The following CAMK1D variants were observed in gnomAD, a reference collection of about 807,000 sequenced individuals.
CAMK1D encodes the protein calcium/calmodulin dependent protein kinase ID, also known as calcium/calmodulin-dependent protein kinase type 1D.
In CAMK1D, 9 loss-of-function variants were observed where a neutral mutation model predicts 47.7. That is an observed-to-expected ratio of 0.19 (90% confidence interval 0.11 to 0.33). The LOEUF is 0.33. Ranked by LOEUF, CAMK1D falls within the 10% of genes least tolerant of loss-of-function variation. The probability of loss-of-function intolerance (pLI) is 1.00; values close to 1 mark genes in which losing one functional copy is unlikely to be tolerated. For synonymous variants in CAMK1D, 184 were observed against 184.9 expected (o/e 0.99, Z 0.04); for missense variants, 291 against 488.7 (o/e 0.60, Z 3.81).
At chr10:12,780,798 A>G (rs1837458892) in intron 5 of CAMK1D, among the ~76,000 whole-genome samples, 1 of 152,226 alleles carries the variant, frequency 6.6e-6, no homozygotes, top group Non-Finnish European at 1.5e-5. Context: ...ATTGTCATAC[A>G]GGGCACAGAT....
rs1323512500 is a variant in CAMK1D at position 12,830,065 on chromosome 10, A to T, written c.*1178A>T. 2.6e-5 allele frequency: 4 copies of T among 151,942 alleles called. No individual in the cohort carries two copies. Among genetic ancestry groups the T allele is most frequent in the African/African-American group, 7.3e-5 (3 of 41,354 alleles). 9.4% of individuals were successfully genotyped at this position (151,942 alleles called of 1,614,324 possible). A position where few individuals can be genotyped will look rare whatever the true frequency, so the allele number is the denominator to read the frequency against. ...GATGCCCACACTGCAGAGATGCAGG[A>T]CCCTCCCTTGCAAAAGGAACCAGCT... is the stretch of plus-strand genomic sequence containing the variant. On this transcript the variant is annotated 3_prime_UTR_variant, in exon 11 of 11. Transcript: ENST00000619168.
chr10:12,548,547 C>G (rs1342686522), intron 1 of CAMK1D, among the ~76,000 whole-genome samples: 2 of 149,296 alleles, frequency 1.3e-5, no homozygotes, highest in Non-Finnish European at 3.0e-5. Context: ...TCACTGCAGC[C>G]TTGACCTCCC....
chr10:12,583,293 A>T (rs1314624622), intron 2 of CAMK1D, among the ~76,000 whole-genome samples: 1 of 152,116 alleles, frequency 6.6e-6, no homozygotes, highest in Non-Finnish European at 1.5e-5. Context: ...CAATGATATG[A>T]GTTTGGTTTT....
At chr10:12,740,181 C>T (rs887454872) in intron 3 of CAMK1D, among the ~76,000 whole-genome samples, 4 of 152,178 alleles carry the variant, frequency 2.6e-5, no homozygotes, top group Non-Finnish European at 4.4e-5. Flanking sequence ...CCCTGACACC[C>T]CTGGTGTAGC....
intron 3 of CAMK1D, among the ~76,000 whole-genome samples, chr10:12,733,934 T>C (rs1835012404): frequency 6.6e-6 from 1 of 152,154 alleles, no homozygotes; most frequent in African/African-American, 2.4e-5. Context: ...TCAAGTGAGA[T>C]GATCACATCA....
intron 8 of CAMK1D, among the ~76,000 whole-genome samples, chr10:12,816,627 T>G (rs1220297977): frequency 1.3e-5 from 2 of 151,714 alleles, no homozygotes; most frequent in African/African-American, 4.8e-5. Flanking sequence ...TCCCAGCACT[T>G]TGGGAGGCTG....
At chr10:12,499,024 C>A (rs1438924722) in intron 1 of CAMK1D, among the ~76,000 whole-genome samples, 1 of 151,454 alleles carries the variant, frequency 6.6e-6, no homozygotes, top group Admixed American at 6.6e-5. Context: ...AATGCCTTCC[C>A]CTGGGTCATA....
chr10:12,406,430 G>A (rs543693988), intron 1 of CAMK1D, among the ~76,000 whole-genome samples: 1 of 152,122 alleles, frequency 6.6e-6, no homozygotes, highest in African/African-American at 2.4e-5. Context: ...TAAGCTGTTG[G>A]CCAGATGTGG....
rs1029227136 is a variant in CAMK1D, at chr10:12,363,225, A to G, written c.92+13315A>G. The stretch of plus-strand genomic sequence containing the variant: ...CAAAGTGCTGGGATTACAGGCGTGA[A>G]CCACCGCACCCGGCCTGTTTTTTTT... On this transcript the variant is annotated intron_variant, in intron 1 of 10. Transcript: ENST00000619168. Among the ~76,000 whole-genome samples, 11 of 148,958 alleles carry G rather than the reference A, an allele frequency of 7.4e-5. No homozygotes were observed. The South Asian group carries it at 2.1e-3, about 29-fold the overall frequency.
At chr10:12,736,416 A>C (rs1437289304) in intron 3 of CAMK1D, among the ~76,000 whole-genome samples, 1 of 152,212 alleles carries the variant, frequency 6.6e-6, no homozygotes, top group Non-Finnish European at 1.5e-5. Context: ...GGATAATTCT[A>C]TTCGGCGAGT....
At chr10:12,598,217 AG>A (rs1281344233) in intron 2 of CAMK1D, among the ~76,000 whole-genome samples, 1 of 152,232 alleles carries the variant, frequency 6.6e-6, no homozygotes, top group Admixed American at 6.5e-5. Flanking sequence ...AAAATACTTA[AG>A]GATGTTCAAT....
intron 3 of CAMK1D, among the ~76,000 whole-genome samples, chr10:12,673,970 G>T (rs1840712467): frequency 6.6e-6 from 1 of 151,796 alleles, no homozygotes; most frequent in African/African-American, 2.4e-5. Context: ...TCAGTAGTTG[G>T]GCTCTCTCTC....
chr10:12,820,133 G>A (rs552725446), intron 8 of CAMK1D, among the ~76,000 whole-genome samples: 273 of 152,266 alleles, frequency 1.8e-3, no homozygotes, highest in Middle Eastern at 3.4e-3. Context: ...TCCGCTTCCC[G>A]GGTTCAAACG....
At chr10:12,512,583 A>G (rs760207152) in intron 1 of CAMK1D, among the ~76,000 whole-genome samples, 1 of 152,134 alleles carries the variant, frequency 6.6e-6, no homozygotes, top group African/African-American at 2.4e-5. Flanking sequence ...CTTTATTTTC[A>G]TAGATAAGGC....
chr10:12,661,463 C>G (rs1169244051), intron 2 of CAMK1D, among the ~76,000 whole-genome samples: 1 of 152,144 alleles, frequency 6.6e-6, no homozygotes, highest in Admixed American at 6.5e-5. Flanking sequence ...TTATTTTCTC[C>G]TCTTTTAAAA....
At chr10:12,388,230 T>C (rs1032852257) in intron 1 of CAMK1D, among the ~76,000 whole-genome samples, 12 of 152,210 alleles carry the variant, frequency 7.9e-5, no homozygotes, top group Non-Finnish European at 1.5e-4. Context: ...TTTTGTCATG[T>C]TGGCCAGGCT....
chr10:12,805,482 T>C (rs556129298), intron 6 of CAMK1D, among the ~76,000 whole-genome samples: 28 of 151,194 alleles, frequency 1.9e-4, no homozygotes, highest in Non-Finnish European at 2.9e-4. Context: ...GTGATTCTCC[T>C]TCCTCAGCCT....
intron 1 of CAMK1D, among the ~76,000 whole-genome samples, chr10:12,392,327 C>G (rs1186146685): frequency 2.6e-5 from 4 of 151,766 alleles, no homozygotes; most frequent in Non-Finnish European, 5.9e-5. Flanking sequence ...AATCAAAAAT[C>G]AAAAACAAAA....
chr10:12,353,659 C>T (rs1837414761), intron 1 of CAMK1D, among the ~76,000 whole-genome samples: 1 of 152,128 alleles, frequency 6.6e-6, no homozygotes, highest in Non-Finnish European at 1.5e-5. Context: ...ACCTCTGAGT[C>T]AGGTCTCAGG....
Sources: allele counts gnomAD v4.1 joint callset (sites outside exome capture counted in the v4.1 genomes callset), GRCh38; gene constraint gnomAD v4.1.1; transcripts MANE v1.5; gene names NCBI Gene and HGNC (gene_info 2026-07-23, HGNC 2026-07-21).